The following RNF8 variants were observed in gnomAD, a reference collection of about 807,000 sequenced individuals.
RNF8 encodes E3 ubiquitin-protein ligase RNF8.
RNF8 carries 8 observed loss-of-function variants against 59.3 expected under a neutral mutation model. The ratio of observed to expected loss-of-function variants is 0.13; its 90% CI spans 0.08 to 0.24. RNF8 has a LOEUF of 0.24. RNF8 is among the 10% of genes least tolerant of loss of function. The pLI, the probability that RNF8 is intolerant of heterozygous loss-of-function variation, is 1.00. For missense variants in RNF8, 406 were observed against 572.6 expected (o/e 0.71, Z 2.97); for synonymous variants, 162 against 200.0 (o/e 0.81, Z 1.60).
intron 1 of RNF8, among the ~76,000 whole-genome samples, chr6:37,356,999 A>G (rs578028018): frequency 1.3e-5 from 2 of 152,360 alleles, no homozygotes; most frequent in East Asian, 3.9e-4. Context: ...TGGGCTTCCC[A>G]AAGTGCTGGA....
chr6:37,364,156 G>T (rs372464434), intron 2 of RNF8, among the ~76,000 whole-genome samples: 2 of 146,680 alleles, frequency 1.4e-5, no homozygotes, highest in East Asian at 4.0e-4. Context: ...TCCAGCCTGG[G>T]GGACAGAGCG....
intron 2 of RNF8, 141 bp from the exon 3 acceptor site, chr6:37,368,343 C>A: frequency 6.3e-7 from 1 of 1,592,002 alleles, no homozygotes; most frequent in South Asian, 1.1e-5. Flanking sequence ...TAAGGATGGT[C>A]GTTTATGAAT....
chr6:37,376,693 T>A (rs1009064119), intron 5 of RNF8, among the ~76,000 whole-genome samples: 3 of 152,176 alleles, frequency 2.0e-5, no homozygotes, highest in African/African-American at 7.2e-5. Flanking sequence ...AGCACAAACA[T>A]TCAGACCATA....
chr6:37,382,434 A>G (rs1770310246), intron 7 of RNF8, among the ~76,000 whole-genome samples: 2 of 152,326 alleles, frequency 1.3e-5, no homozygotes, highest in East Asian at 1.9e-4. Flanking sequence ...TGTGGCCCAC[A>G]CAAGACATAA....
At chr6:37,365,135 G>A (rs1769496489) in intron 2 of RNF8, among the ~76,000 whole-genome samples, 1 of 152,106 alleles carries the variant, frequency 6.6e-6, no homozygotes, top group Admixed American at 6.5e-5. Flanking sequence ...GATAAACTGT[G>A]CTCCACCCCT....
chr6:37,361,076 A>G, intron 2 of RNF8: 1 of 353,660 alleles, frequency 2.8e-6, no homozygotes, highest in Non-Finnish European at 5.5e-6. Context: ...TCCTTTGAAT[A>G]ATGGGTTTTT....
At chr6:37,356,236 G>A (rs753831584) in intron 1 of RNF8, among the ~76,000 whole-genome samples, 1 of 152,232 alleles carries the variant, frequency 6.6e-6, no homozygotes, top group Non-Finnish European at 1.5e-5. Flanking sequence ...CCTGTGTGTA[G>A]GAGAAGCCTG....
chr6:37,389,725 CT>C (rs1210386444), intron 7 of RNF8, among the ~76,000 whole-genome samples: 1 of 152,014 alleles, frequency 6.6e-6, no homozygotes, highest in African/African-American at 2.4e-5. Context: ...AGGAAGTTTG[CT>C]TGAGGGGTGT....
intron 7 of RNF8, among the ~76,000 whole-genome samples, chr6:37,382,162 CACAA>C (rs1770295363): frequency 6.6e-6 from 1 of 152,154 alleles, no homozygotes; most frequent in South Asian, 2.1e-4. Flanking sequence ...GCCCTTACGG[CACAA>C]ACAGTCTGGC....
At chr6:37,366,631 A>T (rs1769566608) in intron 2 of RNF8, among the ~76,000 whole-genome samples, 1 of 152,204 alleles carries the variant, frequency 6.6e-6, no homozygotes, top group Non-Finnish European at 1.5e-5. Flanking sequence ...CAGAGCTAAG[A>T]TCTGATCTCT....
intron 4 of RNF8, 88 bp downstream of exon 4, chr6:37,371,662 T>C: frequency 9.5e-7 from 1 of 1,056,182 alleles, no homozygotes; most frequent in Non-Finnish European, 1.5e-6. Context: ...CTCTGCTGCT[T>C]AGCCCATACC....
At chr6:37,361,474 C>G (rs1769321185) in intron 2 of RNF8, 1 of 381,424 alleles carries the variant, frequency 2.6e-6, no homozygotes, top group African/African-American at 2.1e-5. Flanking sequence ...CATAGTGAAG[C>G]CCTGTCGCTA....
intron 7 of RNF8, among the ~76,000 whole-genome samples, chr6:37,381,906 C>A (rs967819594): frequency 5.3e-5 from 8 of 152,142 alleles, no homozygotes; most frequent in African/African-American, 1.9e-4. Flanking sequence ...ACATTCTGAC[C>A]TGTGGGAGGG....
chr6:37,357,220 G>A (rs796638221), intron 1 of RNF8, among the ~76,000 whole-genome samples: 2 of 152,274 alleles, frequency 1.3e-5, no homozygotes, highest in Admixed American at 6.5e-5. Flanking sequence ...CAGTTCCCAC[G>A]GGAAATTCAG....
chr6:37,378,409 T>TG (rs887965775), intron 6 of RNF8, among the ~76,000 whole-genome samples: 2 of 152,120 alleles, frequency 1.3e-5, no homozygotes, highest in Non-Finnish European at 2.9e-5. Context: ...AAGATCAGCC[T>TG]GGTCAACGTG....
intron 7 of RNF8, among the ~76,000 whole-genome samples, chr6:37,387,794 AG>A (rs1173356528): frequency 6.6e-6 from 1 of 152,192 alleles, no homozygotes; most frequent in African/African-American, 2.4e-5. Context: ...TGAGAAATAA[AG>A]GGTGCTAAGT....
At chr6:37,361,423 G>A (rs981754732) in intron 2 of RNF8, 2 of 451,410 alleles carry the variant, frequency 4.4e-6, no homozygotes, top group African/African-American at 4.0e-5. Context: ...TCAACAAAGG[G>A]ATTGCACCTG....
At chr6:37,366,287 C>T (rs1022514828) in intron 2 of RNF8, among the ~76,000 whole-genome samples, 1 of 152,192 alleles carries the variant, frequency 6.6e-6, no homozygotes, top group Non-Finnish European at 1.5e-5. Context: ...AGGTGGCCTT[C>T]TGTGTCTTAC....
chr6:37,374,660 A>G lies in RNF8; in HGVS notation c.1079A>G (p.Asp360Gly). Residue 360 changes from aspartate (D) to glycine (G), a missense_variant, in exon 5 of 8, where the codon GAC becomes GGC. Asp to Gly is a moderately conservative substitution (Grantham distance 94, BLOSUM62 -1). Transcript: ENST00000373479. ...LMEELNRSKKDFEAIIQAKNK... is the reference protein window; with the variant it reads ...LMEELNRSKKGFEAIIQAKNK... ...GAAGAGCTAAATCGCAGCAAGAAGG[A>G]CTTTGAAGCAATCATTCAAGCCAAG... 1 of 1,614,158 alleles carries G rather than the reference A, an allele frequency of 6.2e-7. No individual in the cohort carries two copies. Among genetic ancestry groups the G allele is most frequent in the Admixed American group, 1.7e-5 (1 of 60,016 alleles).
Sources: allele counts gnomAD v4.1 joint callset (sites outside exome capture counted in the v4.1 genomes callset), GRCh38; gene constraint gnomAD v4.1.1; transcripts MANE v1.5; gene names NCBI Gene and HGNC (gene_info 2026-07-23, HGNC 2026-07-21).